The following RIPOR1 variants were observed in gnomAD, a reference collection of about 807,000 sequenced individuals.
RIPOR1 encodes the protein RHO family interacting cell polarization regulator 1.
A neutral mutation model predicts 116.5 loss-of-function variants in RIPOR1; 58 were observed. That is an observed-to-expected ratio of 0.50 (90% CI 0.40 to 0.62). The LOEUF (loss-of-function observed/expected upper bound fraction) is 0.62, where lower values mean the gene tolerates loss of function less well. RIPOR1 is among the 20% of genes least tolerant of loss of function. The pLI is 0.00. For synonymous variants in RIPOR1, 605 were observed against 650.0 expected, an observed-to-expected ratio of 0.93 and a Z score of 1.05; for missense variants, 1,372 against 1,586.2, an observed-to-expected ratio of 0.86 and a Z score of 2.29.
In RIPOR1 at chr16:67,542,628, C is replaced by T; in HGVS notation, c.1842C>T (p.Ser614=). 3 of 1,613,578 alleles carry T rather than the reference C, an allele frequency of 1.9e-6. No individual in the cohort carries two copies. The highest frequency in any genetic ancestry group is 2.5e-6 in the Non-Finnish European group (3 of 1,179,820). The change falls in exon 13 of 22, where the codon AGC becomes AGT. Residue 614 remains serine, a synonymous_variant. Transcript: ENST00000042381. The surrounding 1 kb of genome is among the most constrained non-coding windows in gnomAD (Gnocchi z 4.6). ...CAAGCCCTACCCATACCACAGCAAG[C>T]CCCACTCATACTTCCACAAGCCCCA... ...TMPSPTHTTA[S]PTHTSTSPTH...
chr16:67,534,920 G>A (rs1374710948), intron 1 of RIPOR1, among the ~76,000 whole-genome samples: 1 of 133,366 alleles, frequency 7.5e-6, no homozygotes, highest in African/African-American at 2.9e-5. Context: ...GCAGCTCTCT[G>A]CAGCCTCTGC....
At position 67,540,560 on chromosome 16, in the gene RIPOR1, A is replaced by T; in HGVS notation, c.676-19A>T. 1 of 1,614,066 alleles carries T rather than the reference A, an allele frequency of 6.2e-7. No individual in the cohort carries two copies. Among genetic ancestry groups the T allele is most frequent in the Non-Finnish European group, 8.5e-7 (1 of 1,179,974 alleles). ...AGGGTCCCAACACCTAGGCTGCCTC[A>T]TCCTACCTGTTCCCCCAGATCTGCA... On this transcript the variant is annotated intron_variant, in intron 9 of 21. Transcript: ENST00000042381. This position sits in a 1 kb window ranked among gnomAD's most constrained non-coding sequence, Gnocchi z 4.7.
At position 67,540,341 on chromosome 16, in the gene RIPOR1, C is replaced by A. The variant is rs573606224; in HGVS notation, c.609C>A (p.Gly203=). The part of the protein sequence containing the change: ...LLESELEAQL[G]EFHLRMKGLA... ...AGAGCGAGCTGGAGGCACAGCTGGG[C>A]GAGTTTCATCTCCGAATGAAAGGTA... The change falls in exon 8 of 22, where the codon GGC becomes GGA. Residue 203 remains glycine (G), a synonymous_variant. Transcript: ENST00000042381. The surrounding 1 kb of genome is among the most constrained non-coding windows in gnomAD (Gnocchi z 4.7). The A allele has an allele frequency of 3.1e-6, 5 of 1,614,064 alleles. No individual in the cohort carries two copies. The South Asian group carries it at 5.5e-5, about 18-fold the overall frequency.
In RIPOR1 at chr16:67,542,397, C is replaced by A. The variant is rs1383056873; in HGVS notation, c.1611C>A (p.Gly537=). ...LDSVHKSTDS[G]PSELPGPTHT... is the part of the protein sequence containing the mutation. ...CAGTTCATAAGTCCACAGACTCTGG[C>A]CCTTCAGAACTGCCAGGCCCCACTC... The change falls in exon 13 of 22, where the codon GGC becomes GGA. Residue 537 remains glycine (G), a synonymous_variant. Transcript: ENST00000042381. The surrounding 1 kb of genome is among the most constrained non-coding windows in gnomAD (Gnocchi z 4.6). 1 of 1,613,914 alleles carries A rather than the reference C, an allele frequency of 6.2e-7. No homozygotes were observed. Among genetic ancestry groups the A allele is most frequent in the Non-Finnish European group, 8.5e-7 (1 of 1,179,938 alleles).
Position 67,540,111 on chromosome 16 carries a change from A to G in RIPOR1, c.473A>G (p.Asn158Ser), listed in dbSNP as rs751794768. 2 of 1,614,144 alleles carry G rather than the reference A, an allele frequency of 1.2e-6. No individual in the cohort carries two copies. Among genetic ancestry groups the G allele is most frequent in the Non-Finnish European group, 8.5e-7 (1 of 1,180,000 alleles). ...CGGCGTCTCCGGGATGGTGCCTACA[A>G]CATGGTCCGTGCCTACACCACTGGG... ...VQRRLRDGAY[N>S]MVRAYTTGSP... Residue 158 changes from asparagine (N) to serine (S), a missense_variant, in exon 7 of 22, where the codon AAC (asparagine) becomes AGC (serine). Asn to Ser is a conservative substitution (Grantham distance 46). Around this residue, in one of 3 missense-constraint regions of RIPOR1, gnomAD observed 202 missense variants for 295.9 expected, o/e 0.68. Coordinates refer to ENST00000042381, the MANE Select transcript of RIPOR1 (RefSeq NM_024519.4). This position sits in a 1 kb window ranked among gnomAD's most constrained non-coding sequence, Gnocchi z 4.7.
At chr16:67,525,924 A>G (rs2050536065), upstream of RIPOR1, among the ~76,000 whole-genome samples, 1 of 152,040 alleles carries the variant, frequency 6.6e-6, no homozygotes. Context: ...TCCTCTTTGA[A>G]GTGGGTTTCA....
rs1176462774 is a variant in RIPOR1 at position 67,542,871 on chromosome 16, C to T, written c.2085C>T (p.Asp695=). ...ATLSSPSKHS[D]PTLPGTDSLP... is the part of the protein sequence containing the mutation. ...TCTCCAGCCCCTCCAAACACTCAGA[C>T]CCCACCCTCCCAGGCACTGACTCCC... The change falls in exon 13 of 22, where the codon GAC becomes GAT. Residue 695 remains aspartate, a synonymous_variant. Transcript: ENST00000042381. This position sits in a 1 kb window ranked among gnomAD's most constrained non-coding sequence, Gnocchi z 4.6. The T allele has an allele frequency of 8.1e-6, 13 of 1,613,282 alleles. No homozygotes were observed. The highest frequency in any genetic ancestry group is 1.1e-5 in the Non-Finnish European group (13 of 1,179,648).
chr16:67,529,778 C>G lies in RIPOR1; in HGVS notation c.-24+864C>G. 6.5e-7 allele frequency: 1 copy of G among 1,535,518 alleles called. No individual in the cohort carries two copies. Among genetic ancestry groups the G allele is most frequent in the Non-Finnish European group, 8.7e-7 (1 of 1,146,866 alleles). On this transcript the variant is annotated intron_variant, in intron 1 of 21. Transcript: ENST00000042381. This position sits in a 1 kb window ranked among gnomAD's most constrained non-coding sequence, Gnocchi z 4.1. ...TGGCTGCAGTCTGCGGGGCCGCGCC[C>G]TGGGCCTGCCGCATTCGGCCAACGC...
rs780165083 is a variant in RIPOR1 at position 67,543,175 on chromosome 16, C to T, written c.2389C>T (p.Leu797=). Residue 797 remains leucine (L), a synonymous_variant, in exon 13 of 22, where the codon CTA becomes TTA. Coordinates refer to ENST00000042381, the MANE Select transcript of RIPOR1 (RefSeq NM_024519.4). The surrounding 1 kb of genome is among the most constrained non-coding windows in gnomAD (Gnocchi z 4.7). ...DRSLEEALGA[L]MAALDDYRGQ... ...GAGCCTGGAGGAGGCACTGGGGGCC[C>T]TAATGGCTGCCCTGGATGACTACCG... 1.9e-6 allele frequency: 3 copies of T among 1,542,056 alleles called. No individual in the cohort carries two copies. Among genetic ancestry groups the T allele is most frequent in the Non-Finnish European group, 1.7e-6 (2 of 1,144,386 alleles).
At chr16:67,521,960 G>C (rs1012533770) in intron 1 of RIPOR1, among the ~76,000 whole-genome samples, 28 of 152,320 alleles carry the variant, frequency 1.8e-4, no homozygotes, top group African/African-American at 6.5e-4. Flanking sequence ...GATGGATGCA[G>C]GTCTCACCTG....
At chr16:67,546,056 C>A (rs376250173) in intron 20 of RIPOR1, 24 bp downstream of exon 20, 202 of 1,610,844 alleles carry the variant, frequency 1.3e-4, no homozygotes, top group Non-Finnish European at 1.6e-4. Context: ...ACCCTCCCAC[C>A]CCTCTGTCCG....
intron 1 of RIPOR1, among the ~76,000 whole-genome samples, chr16:67,520,679 A>AG (rs2050488162): frequency 6.6e-6 from 1 of 151,894 alleles, no homozygotes; most frequent in Non-Finnish European, 1.5e-5. Flanking sequence ...GTGCACCTGT[A>AG]ATCCCAGCTA....
intron 1 of RIPOR1, among the ~76,000 whole-genome samples, chr16:67,520,453 A>G (rs1469597409): frequency 6.6e-6 from 1 of 151,616 alleles, no homozygotes; most frequent in Non-Finnish European, 1.5e-5. Context: ...AAGAGAAGAG[A>G]AGAGAAGAGA....
chr16:67,521,700 G>T (rs1356561755), intron 1 of RIPOR1, among the ~76,000 whole-genome samples: 1 of 152,178 alleles, frequency 6.6e-6, no homozygotes, highest in Non-Finnish European at 1.5e-5. Flanking sequence ...GGACTAGCGG[G>T]GACAATGACA....
Position 67,540,057 on chromosome 16 carries a change from A to T in RIPOR1, c.419A>T (p.Asp140Val), listed in dbSNP as rs2050929136. Reference protein sequence around the residue: ...RRLEFHASKIDELYEAYCVQR... With the variant: ...RRLEFHASKIVELYEAYCVQR... ...TCACCCCACTCACCTTCCCAGATCG[A>T]TGAGCTGTATGAGGCATACTGTGTC... The change falls in exon 7 of 22, where the codon GAT (aspartate) becomes GTT (valine). Residue 140 changes from aspartate to valine, a missense_variant. Physicochemically the swap from Asp to Val is radical, Grantham distance 152. Coordinates refer to ENST00000042381, the MANE Select transcript of RIPOR1 (RefSeq NM_024519.4). The surrounding 1 kb of genome is among the most constrained non-coding windows in gnomAD (Gnocchi z 4.7). 6.2e-7 allele frequency: 1 copy of T among 1,613,984 alleles called. No individual in the cohort carries two copies. The highest frequency in any genetic ancestry group is 1.3e-5 in the African/African-American group (1 of 74,894).
rs752494009 is a variant in RIPOR1, at chr16:67,540,286, C to T, written c.568-14C>T. The stretch of plus-strand genomic sequence containing the variant: ...GGCCCTTGACCCCCTCCTGTCCCTG[C>T]CCCTCCCTCCCAGAGCATGTGTCTG... On this transcript the variant is annotated splice_polypyrimidine_tract_variant and intron_variant, in intron 7 of 21. Transcript: ENST00000042381. This position sits in a 1 kb window ranked among gnomAD's most constrained non-coding sequence, Gnocchi z 4.7. 6.2e-7 allele frequency: 1 copy of T among 1,613,836 alleles called. No homozygotes were observed. Among genetic ancestry groups the T allele is most frequent in the Non-Finnish European group, 8.5e-7 (1 of 1,179,942 alleles).
rs563168882 is a variant in RIPOR1, at chr16:67,537,497, GC to G, written c.-23-924del. 387 of 1,269,724 alleles carry G rather than the reference GC, an allele frequency of 3.0e-4. 1 individual carries two copies. In the African/African-American group the frequency reaches 5.5e-3, roughly 18 times the overall value. 78.7% of individuals were successfully genotyped at this position (1,269,724 alleles called of 1,614,324 possible). On this transcript the variant is annotated intron_variant, in intron 1 of 21. Coordinates refer to ENST00000042381, the MANE Select transcript of RIPOR1 (RefSeq NM_024519.4). This position sits in a 1 kb window ranked among gnomAD's most constrained non-coding sequence, Gnocchi z 4.6. ...CAGAGCCGCTGGGAGCGAGCCCGGA[GC>G]CCAGCCGGGCGGCTCGAAGTGGCCA... is the stretch of plus-strand genomic sequence containing the variant.
At position 67,530,120 on chromosome 16, in the gene RIPOR1, G is replaced by T. The variant is rs889279043; in HGVS notation, c.-24+1206G>T. The T allele has an allele frequency of 5.3e-6, 3 of 562,356 alleles. No individual in the cohort carries two copies. The highest frequency in any genetic ancestry group is 9.6e-6 in the Non-Finnish European group (3 of 312,472). The allele number at this position is 562,356 out of a possible 1,614,324, so 34.8% of individuals were successfully genotyped here. A position where few individuals can be genotyped will look rare whatever the true frequency, so the allele number is the denominator to read the frequency against. The stretch of plus-strand genomic sequence containing the variant: ...GCCCCAGGGGTCTGGGTTTGGGTGC[G>T]GGTGAGGGGAGGACTCAGGACTCTG... On this transcript the variant is annotated intron_variant, in intron 1 of 21. Coordinates refer to ENST00000042381, the MANE Select transcript of RIPOR1 (RefSeq NM_024519.4). This position sits in a 1 kb window ranked among gnomAD's most constrained non-coding sequence, Gnocchi z 4.5.
intron 1 of RIPOR1, among the ~76,000 whole-genome samples, chr16:67,523,783 C>T (rs898474888): frequency 2.0e-5 from 3 of 151,582 alleles, no homozygotes; most frequent in Admixed American, 6.6e-5. Context: ...TGGGCTCAAG[C>T]GATTCTCCCA....
Sources: gnomAD v4.1 joint callset for allele counts (sites outside exome capture counted in the v4.1 genomes callset) on GRCh38, gnomAD v4.1.1 for gene constraint, gnomAD v4.1.1 regional missense constraint, Gnocchi (gnomAD v3.1) non-coding constraint, MANE v1.5 for transcripts, NCBI Gene and HGNC (gene_info 2026-07-23, HGNC 2026-07-21) for gene names.